RGS6: variants seen among roughly 807,000 people sequenced by gnomAD.
RGS6 encodes the protein regulator of G protein signaling 6, also known as regulator of G-protein signaling 6.
Under a neutral mutation model 78.5 loss-of-function variants are expected in RGS6, and 30 were observed. That is an observed-to-expected ratio of 0.38 (90% CI 0.29 to 0.52). RGS6 has a LOEUF of 0.52. Ranked by LOEUF, RGS6 falls within the 20% of genes least tolerant of loss-of-function variation. The probability of loss-of-function intolerance (pLI) is 0.85; values close to 1 mark genes in which losing one functional copy is unlikely to be tolerated. For synonymous variants in RGS6, 206 were observed against 206.0 expected (o/e 1.00, Z 0.00); for missense variants, 495 against 609.7 (o/e 0.81, Z 1.98).
At chr14:72,482,658 T>G (rs2096404911) in intron 12 of RGS6, among the ~76,000 whole-genome samples, 1 of 152,214 alleles carries the variant, frequency 6.6e-6, no homozygotes, top group South Asian at 2.1e-4. Context: ...CTCCTTAATA[T>G]GGTCTCTCAC....
intron 2 of RGS6, among the ~76,000 whole-genome samples, chr14:72,336,401 G>A (rs1437967387): frequency 1.3e-5 from 2 of 152,062 alleles, no homozygotes; most frequent in Non-Finnish European, 2.9e-5. Flanking sequence ...AAGCTTTGAA[G>A]TACTATATGT....
the RGS6 span, among the ~76,000 whole-genome samples, chr14:71,897,757 G>A: frequency 6.6e-6 from 1 of 152,144 alleles, no homozygotes; most frequent in Non-Finnish European, 1.5e-5. Context: ...TTGACCTCAT[G>A]ATCCACCTGC....
intron 3 of RGS6, among the ~76,000 whole-genome samples, chr14:72,432,703 C>G (rs1260958636): frequency 1.3e-5 from 2 of 152,238 alleles, no homozygotes; most frequent in African/African-American, 4.8e-5. Flanking sequence ...CCAGCTAAAG[C>G]ATCTCTGCTT....
chr14:72,218,737 A>G (rs1316442437), intron 2 of RGS6, among the ~76,000 whole-genome samples: 1 of 151,918 alleles, frequency 6.6e-6, no homozygotes, highest in African/African-American at 2.4e-5. Flanking sequence ...TCAGCCTCCC[A>G]AGTAGCTGGG....
intron 13 of RGS6, among the ~76,000 whole-genome samples, chr14:72,500,037 C>T (rs2096702705): frequency 2.6e-5 from 4 of 152,234 alleles, no homozygotes; most frequent in Admixed American, 2.0e-4. Context: ...ATGTGTGAAC[C>T]TAATTCACAA....
intron 2 of RGS6, among the ~76,000 whole-genome samples, chr14:71,972,859 A>C (rs936647033): frequency 6.6e-6 from 1 of 152,144 alleles, no homozygotes; most frequent in South Asian, 2.1e-4. Context: ...GAGAATAATG[A>C]GGAGGAATGA....
At chr14:72,536,726 C>T (rs2097255909) in intron 16 of RGS6, among the ~76,000 whole-genome samples, 1 of 152,156 alleles carries the variant, frequency 6.6e-6, no homozygotes, top group Non-Finnish European at 1.5e-5. Context: ...AGCTCTCTCA[C>T]TGGTCAGAAA....
At chr14:72,250,868 C>A (rs1186002630) in intron 2 of RGS6, among the ~76,000 whole-genome samples, 2 of 152,092 alleles carry the variant, frequency 1.3e-5, no homozygotes, top group African/African-American at 4.8e-5. Flanking sequence ...AGATAATTTC[C>A]CCCTCCCCCT....
At chr14:72,137,038 C>G (rs749313859) in intron 2 of RGS6, among the ~76,000 whole-genome samples, 1 of 152,052 alleles carries the variant, frequency 6.6e-6, no homozygotes, top group Non-Finnish European at 1.5e-5. Flanking sequence ...AATCCCAATC[C>G]TATACATTTT....
intron 2 of RGS6, among the ~76,000 whole-genome samples, chr14:72,169,654 C>A (rs377398347): frequency 7.2e-5 from 11 of 152,202 alleles, no homozygotes; most frequent in South Asian, 2.1e-4. Flanking sequence ...AAACTTTTTC[C>A]TCCTGGGCAC....
chr14:72,349,151 G>A (rs2152725003), intron 2 of RGS6, among the ~76,000 whole-genome samples: 1 of 152,170 alleles, frequency 6.6e-6, no homozygotes, highest in African/African-American at 2.4e-5. Context: ...TGGGTGAAGA[G>A]TGAGACTCCG....
intron 2 of RGS6, among the ~76,000 whole-genome samples, chr14:72,094,717 G>C (rs1364539297): frequency 6.6e-6 from 1 of 152,082 alleles, no homozygotes; most frequent in African/African-American, 2.4e-5. Flanking sequence ...TTAGTTTTCT[G>C]TGACATTGTT....
Position 72,474,621 on chromosome 14 carries a change from TCAG to T in RGS6, c.619-2_619del, listed in dbSNP as rs1598049043. The T allele has an allele frequency of 1.3e-6, 2 of 1,594,152 alleles. No individual in the cohort carries two copies. Among genetic ancestry groups the T allele is most frequent in the African/African-American group, 1.4e-5 (1 of 73,432 alleles). ...ATTTATATGATGTGTTTTTTTTTTC[TCAG>T]CCAGGCTGTGTGAACACAACAGAAA... On this transcript the variant is annotated splice_acceptor_variant and splice_polypyrimidine_tract_variant and intron_variant, in intron 9 of 17. Transcript: ENST00000553525. LOFTEE classifies it high-confidence loss of function.
intron 17 of RGS6, among the ~76,000 whole-genome samples, chr14:72,551,556 G>A (rs1436020839): frequency 6.6e-6 from 1 of 152,198 alleles, no homozygotes. Context: ...GCCTGCTCGT[G>A]TGACCCCTTG....
At chr14:72,321,881 G>A (rs552815339) in intron 2 of RGS6, among the ~76,000 whole-genome samples, 12 of 151,960 alleles carry the variant, frequency 7.9e-5, no homozygotes, top group African/African-American at 2.2e-4. Flanking sequence ...TCCATAAAAC[G>A]TTTCCCAGAA....
chr14:71,880,579 T>C, the RGS6 span, among the ~76,000 whole-genome samples: 75 of 152,336 alleles, frequency 4.9e-4, 2 homozygotes, highest in Admixed American at 9.1e-4. Context: ...GCTGAGACTG[T>C]GGCTTCAGGG....
At chr14:72,293,840 TTA>T (rs1404668512) in intron 2 of RGS6, among the ~76,000 whole-genome samples, 23 of 152,364 alleles carry the variant, frequency 1.5e-4, no homozygotes, top group African/African-American at 5.5e-4. Context: ...AACTCTGCTC[TTA>T]TAGCACCAAA....
In RGS6 at chr14:72,125,297, T is replaced by A. The variant is rs187990422; in HGVS notation, c.84+160422T>A. Among the ~76,000 whole-genome samples the A allele has an allele frequency of 1.5e-3, 228 of 152,264 alleles. 1 individual carries two copies. The highest frequency in any genetic ancestry group is 5.4e-3 in the African/African-American group (224 of 41,542). The stretch of plus-strand genomic sequence containing the variant: ...TGCTTCCTCAATAGTGCTGTGAGAA[T>A]GCTCCACTGCCAGTTTGAGGTATCA... On this transcript the variant is annotated intron_variant, in intron 2 of 17. Transcript: ENST00000553525.
At position 72,241,505 on chromosome 14, in the gene RGS6, G is replaced by A. The variant is rs184299795; in HGVS notation, c.85-110590G>A. ...AACAAAAATTGCCCATAATTCTCCA[G>A]GTTATAGAAAACGTCTATTGGCATT... On this transcript the variant is annotated intron_variant, in intron 2 of 17. Coordinates refer to ENST00000553525, the MANE Select transcript of RGS6 (RefSeq NM_001204424.2). 3.0e-3 allele frequency among the ~76,000 whole-genome samples: 464 copies of A among 152,176 alleles called. 1 individual carries two copies. The highest frequency in any genetic ancestry group is 0.011 in the African/African-American group (448 of 41,502).
Sources: gnomAD v4.1 joint callset for allele counts (sites outside exome capture counted in the v4.1 genomes callset) on GRCh38, gnomAD v4.1.1 for gene constraint, MANE v1.5 for transcripts, NCBI Gene and HGNC (gene_info 2026-07-23, HGNC 2026-07-21) for gene names.